The following CNTNAP2 variants were observed in gnomAD, a reference collection of about 807,000 sequenced individuals.
CNTNAP2 encodes contactin associated protein 2, also known as contactin-associated protein-like 2.
Under a neutral mutation model 155.2 loss-of-function variants are expected in CNTNAP2, and 98 were observed. That is an observed-to-expected ratio of 0.63 (90% CI 0.54 to 0.75). The LOEUF (loss-of-function observed/expected upper bound fraction) is 0.75, where lower values mean the gene tolerates loss of function less well. Ranked by LOEUF, CNTNAP2 falls within the 30% of genes least tolerant of loss-of-function variation. The pLI, the probability that CNTNAP2 is intolerant of heterozygous loss-of-function variation, is 0.00. For synonymous variants in CNTNAP2, 651 were observed against 631.2 expected (o/e 1.03, Z -0.47); for missense variants, 1,727 against 1,688.1 (o/e 1.02, Z -0.40).
intron 1 of CNTNAP2, among the ~76,000 whole-genome samples, chr7:146,512,282 C>A (rs1797478953): frequency 6.6e-6 from 1 of 151,462 alleles, no homozygotes; most frequent in African/African-American, 2.4e-5. Context: ...GTCTCGATTT[C>A]ATTTATTTAT....
rs1350452926 is a variant in CNTNAP2 at position 147,191,576 on chromosome 7, A to G, written c.1348+59067A>G. Among the ~76,000 whole-genome samples, 5 of 152,264 alleles carry G rather than the reference A, an allele frequency of 3.3e-5. No individual in the cohort carries two copies. In the East Asian group the frequency reaches 9.7e-4, roughly 29 times the overall value. On this transcript the variant is annotated intron_variant, in intron 8 of 23. Transcript: ENST00000361727. ...TGTCTTAGGTCTCTGGAAACTGCCTAATGATTTGATATCCTGGAGATTTTT... is the reference window on the plus strand; with the variant it reads ...TGTCTTAGGTCTCTGGAAACTGCCTGATGATTTGATATCCTGGAGATTTTT...
chr7:147,315,297 A>G (rs1286663181), intron 9 of CNTNAP2, among the ~76,000 whole-genome samples: 1 of 150,724 alleles, frequency 6.6e-6, no homozygotes, highest in Non-Finnish European at 1.5e-5. Context: ...GATACTCCGA[A>G]TATTCACAGA....
At chr7:148,104,304 A>G (rs1369261092) in intron 15 of CNTNAP2, among the ~76,000 whole-genome samples, 2 of 152,248 alleles carry the variant, frequency 1.3e-5, no homozygotes, top group African/African-American at 4.8e-5. Context: ...CGTATGGATC[A>G]TATCAACCCA....
At chr7:146,743,432 C>T (rs1025278874) in intron 1 of CNTNAP2, among the ~76,000 whole-genome samples, 3 of 152,150 alleles carry the variant, frequency 2.0e-5, no homozygotes, top group African/African-American at 7.2e-5. Flanking sequence ...TCTTTGAATG[C>T]ATCTTATTAC....
chr7:147,082,121 A>G (rs901640423), intron 4 of CNTNAP2: 1 of 152,218 alleles, frequency 6.6e-6, no homozygotes, highest in African/African-American at 2.4e-5. Context: ...AGGGTGTTGA[A>G]TTCAGCCACT....
intron 19 of CNTNAP2, among the ~76,000 whole-genome samples, chr7:148,227,098 A>C (rs1466097571): frequency 1.6e-4 from 25 of 152,108 alleles, no homozygotes; most frequent in Admixed American, 1.6e-3. Context: ...GTCTTTGGGG[A>C]CTGCAAGAGT....
intron 3 of CNTNAP2, among the ~76,000 whole-genome samples, chr7:146,906,292 A>G (rs1403655301): frequency 6.6e-6 from 1 of 152,228 alleles, no homozygotes; most frequent in African/African-American, 2.4e-5. Flanking sequence ...AACTGGGTGG[A>G]GCCCACCACA....
At chr7:147,459,866 T>A (rs1584960416) in intron 10 of CNTNAP2, among the ~76,000 whole-genome samples, 1 of 152,098 alleles carries the variant, frequency 6.6e-6, no homozygotes, top group Admixed American at 6.6e-5. Context: ...AGGACACTGA[T>A]CTGTGATGAA....
intron 3 of CNTNAP2, among the ~76,000 whole-genome samples, chr7:146,888,954 T>A (rs186195826): frequency 6.6e-6 from 1 of 152,180 alleles, no homozygotes; most frequent in Non-Finnish European, 1.5e-5. Context: ...GATACTACGT[T>A]GCATATTACA....
At chr7:147,278,206 A>G (rs1237333654) in intron 8 of CNTNAP2, among the ~76,000 whole-genome samples, 2 of 151,436 alleles carry the variant, frequency 1.3e-5, no homozygotes, top group Non-Finnish European at 3.0e-5. Flanking sequence ...TAGCTTTTCC[A>G]TCAATTTCCA....
At chr7:146,550,415 T>TTTTTTTTTTTTTG (rs1798102083) in intron 1 of CNTNAP2, among the ~76,000 whole-genome samples, 1 of 115,760 alleles carries the variant, frequency 8.6e-6, no homozygotes, top group Non-Finnish European at 1.9e-5. Flanking sequence ...TTTTTTTTTT[T>TTTTTTTTTTTTTG]TTTTTTTTTT....
intron 15 of CNTNAP2, among the ~76,000 whole-genome samples, chr7:148,102,211 A>G (rs563580128): frequency 1.7e-4 from 26 of 152,234 alleles, no homozygotes; most frequent in African/African-American, 4.6e-4. Context: ...ACTCCCACTT[A>G]TAAGTGAGAA....
At chr7:147,927,870 C>T (rs1800424886) in intron 14 of CNTNAP2, among the ~76,000 whole-genome samples, 1 of 152,126 alleles carries the variant, frequency 6.6e-6, no homozygotes, top group Non-Finnish European at 1.5e-5. Flanking sequence ...AAGTTAGAGT[C>T]CCAGGACTAC....
At position 146,136,243 on chromosome 7, in the gene CNTNAP2, A is replaced by G. The variant is rs185283389; in HGVS notation, c.97+19270A>G. On this transcript the variant is annotated intron_variant, in intron 1 of 23. Transcript: ENST00000361727. ...GATTTTTTACATTGCATACTGCCAG[A>G]AATCACCACATGTAGCATGGCAGAT... 9.8e-4 allele frequency among the ~76,000 whole-genome samples: 149 copies of G among 152,284 alleles called. 1 individual carries two copies. The highest frequency in any genetic ancestry group is 4.2e-3 in the Admixed American group (64 of 15,288).
At chr7:147,313,233 G>T (rs1216485694) in intron 9 of CNTNAP2, among the ~76,000 whole-genome samples, 1 of 152,124 alleles carries the variant, frequency 6.6e-6, no homozygotes, top group Non-Finnish European at 1.5e-5. Flanking sequence ...TCTGCTGGTA[G>T]TTTCTTTTGC....
At chr7:147,859,845 A>G (rs560333770) in intron 13 of CNTNAP2, among the ~76,000 whole-genome samples, 61 of 152,338 alleles carry the variant, frequency 4.0e-4, no homozygotes, top group African/African-American at 1.4e-3. Context: ...CCATTAAGAA[A>G]TGAATTTTGT....
chr7:146,656,013 A>G (rs1019594023), intron 1 of CNTNAP2, among the ~76,000 whole-genome samples: 3 of 152,168 alleles, frequency 2.0e-5, no homozygotes, highest in Non-Finnish European at 4.4e-5. Flanking sequence ...ATTGTCTATT[A>G]TCAGTTATAA....
chr7:146,296,410 C>A (rs1347215210), intron 1 of CNTNAP2, among the ~76,000 whole-genome samples: 1 of 152,084 alleles, frequency 6.6e-6, no homozygotes, highest in Non-Finnish European at 1.5e-5. Flanking sequence ...TGCAATGAAA[C>A]CCCTTTCTTT....
chr7:148,362,094 A>T (rs1468370584), intron 21 of CNTNAP2, among the ~76,000 whole-genome samples: 2 of 152,142 alleles, frequency 1.3e-5, no homozygotes, highest in African/African-American at 4.8e-5. Context: ...CTGTAGTCTC[A>T]GCTACTTGGG....
Sources: allele counts gnomAD v4.1 joint callset (sites outside exome capture counted in the v4.1 genomes callset), GRCh38; gene constraint gnomAD v4.1.1; transcripts MANE v1.5; gene names NCBI Gene and HGNC (gene_info 2026-07-23, HGNC 2026-07-21).